The following BCL11B variants were observed in gnomAD, a reference collection of about 807,000 sequenced individuals.
BCL11B encodes BCL11 transcription factor B, also known as B-cell lymphoma/leukemia 11B.
Under a neutral mutation model 49.9 loss-of-function variants are expected in BCL11B, and 8 were observed. The observed-to-expected ratio is 0.16, with a 90% CI of 0.09 to 0.29. The LOEUF is 0.29. Ranked by LOEUF, BCL11B falls within the 10% of genes least tolerant of loss-of-function variation. The pLI is 1.00. For missense variants in BCL11B, 1,006 were observed against 1,351.0 expected (o/e 0.74, Z 4.00); for synonymous variants, 739 against 637.4 (o/e 1.16, Z -2.40).
intron 2 of BCL11B, among the ~76,000 whole-genome samples, chr14:99,251,528 G>C (rs1243749353): frequency 1.3e-5 from 2 of 152,142 alleles, no homozygotes; most frequent in African/African-American, 4.8e-5. Context: ...TGGGGGAAAA[G>C]TCTATGCAAC....
chr14:99,271,269 A>G lies in BCL11B; in HGVS notation c.-51T>C, dbSNP rs1595091726. 7.8e-7 allele frequency: 1 copy of G among 1,280,020 alleles called. No individual in the cohort carries two copies. Among genetic ancestry groups the G allele is most frequent in the African/African-American group, 1.5e-5 (1 of 65,114 alleles). 79.3% of individuals were successfully genotyped at this position (1,280,020 alleles called of 1,614,324 possible). A position where few individuals can be genotyped will look rare whatever the true frequency, so the allele number is the denominator to read the frequency against. ...CCCGGAGAGCTGCACTGATGGGGGG[A>G]GCCGGGGGAGGGGGTCCGAGCCGCC... On this transcript the variant is annotated 5_prime_UTR_variant, in exon 1 of 4. Transcript: ENST00000357195.
chr14:99,201,123 C>T lies in BCL11B; in HGVS notation c.641-24928G>A, dbSNP rs188296979. 1.7e-3 allele frequency among the ~76,000 whole-genome samples: 264 copies of T among 152,296 alleles called. 1 individual carries two copies. Among genetic ancestry groups the T allele is most frequent in the African/African-American group, 6.0e-3 (249 of 41,582 alleles). ...ATCAAAGCTGCAGAGGATCCCAGTT[C>T]TCCGAGGGAAGTGGGCAGTAGCCCG... On this transcript the variant is annotated intron_variant, in intron 3 of 3. Coordinates refer to ENST00000357195, the MANE Select transcript of BCL11B (RefSeq NM_138576.4).
intron 2 of BCL11B, among the ~76,000 whole-genome samples, chr14:99,238,250 C>T (rs575344782): frequency 6.6e-6 from 1 of 152,180 alleles, no homozygotes; most frequent in African/African-American, 2.4e-5. Context: ...GCGTCCCCCA[C>T]CGACACTACC....
chr14:99,184,183 C>T lies in BCL11B; in HGVS notation c.641-7988G>A, dbSNP rs1285934248. On this transcript the variant is annotated intron_variant, in intron 3 of 3. Coordinates refer to ENST00000357195, the MANE Select transcript of BCL11B (RefSeq NM_138576.4). The surrounding 1 kb of genome is among the most constrained non-coding windows in gnomAD (Gnocchi z 6.1). ...GCCCACTCGCCCTCTCGGTGCCTCC[C>T]TTTGGGCAGCGCATTTTCACACCTC... 6.6e-6 allele frequency among the ~76,000 whole-genome samples: 1 copy of T among 152,196 alleles called. No homozygotes were observed. The highest frequency in any genetic ancestry group is 1.5e-5 in the Non-Finnish European group (1 of 68,034).
chr14:99,187,271 C>T (rs903618571), intron 3 of BCL11B, among the ~76,000 whole-genome samples: 9 of 152,182 alleles, frequency 5.9e-5, no homozygotes, highest in East Asian at 1.9e-4. Flanking sequence ...GGGCAGGACG[C>T]ACAGAGCAAT....
At position 99,248,779 on chromosome 14, in the gene BCL11B, G is replaced by C. The variant is rs886797339; in HGVS notation, c.427+8692C>G. On this transcript the variant is annotated intron_variant, in intron 2 of 3. Coordinates refer to ENST00000357195, the MANE Select transcript of BCL11B (RefSeq NM_138576.4). The surrounding 1 kb of genome is among the most constrained non-coding windows in gnomAD (Gnocchi z 4.7). ...AAAGGAATTGAGGTGGGAAATGCACGACCTTCTGCCTGGCTCTTGCAGCTG... is the reference window on the plus strand; with the variant it reads ...AAAGGAATTGAGGTGGGAAATGCACCACCTTCTGCCTGGCTCTTGCAGCTG... Among the ~76,000 whole-genome samples, 1 of 152,142 alleles carries C rather than the reference G, an allele frequency of 6.6e-6. No individual in the cohort carries two copies. The highest frequency in any genetic ancestry group is 6.5e-5 in the Admixed American group (1 of 15,280).
At chr14:99,253,579 C>T (rs1309703110) in intron 2 of BCL11B, among the ~76,000 whole-genome samples, 1 of 152,112 alleles carries the variant, frequency 6.6e-6, no homozygotes, top group East Asian at 1.9e-4. Context: ...AAGTGGCTGC[C>T]GGAGGCTGGC....
intron 3 of BCL11B, among the ~76,000 whole-genome samples, chr14:99,180,672 T>TC (rs1325380051): frequency 6.6e-6 from 1 of 152,182 alleles, no homozygotes; most frequent in Admixed American, 6.5e-5. Context: ...AGCCTATAAA[T>TC]CGCACATGGC....
chr14:99,230,136 T>G (rs951327787), intron 3 of BCL11B, among the ~76,000 whole-genome samples: 1 of 152,108 alleles, frequency 6.6e-6, no homozygotes, highest in Non-Finnish European at 1.5e-5. Context: ...GCCACCCTAC[T>G]AGGGAGCTCT....
intron 3 of BCL11B, among the ~76,000 whole-genome samples, chr14:99,177,539 A>ACTC (rs1886573614): frequency 6.7e-6 from 1 of 149,712 alleles, no homozygotes; most frequent in Non-Finnish European, 1.5e-5. Flanking sequence ...GCAGCATTGC[A>ACTC]CTCACTAGCT....
chr14:99,220,274 CAA>C (rs1555380746), intron 3 of BCL11B, among the ~76,000 whole-genome samples: 1 of 152,194 alleles, frequency 6.6e-6, no homozygotes, highest in Non-Finnish European at 1.5e-5. Context: ...AGCAAGGATT[CAA>C]ACAGATTATT....
chr14:99,199,739 T>C (rs35845191), intron 3 of BCL11B, among the ~76,000 whole-genome samples: 5 of 150,280 alleles, frequency 3.3e-5, no homozygotes, highest in African/African-American at 4.9e-5. Flanking sequence ...TGTGTGTGTG[T>C]ACACAAAAGA....
In BCL11B at chr14:99,228,039, C is replaced by A. The variant is rs755680556; in HGVS notation, c.640+3306G>T. Among the ~76,000 whole-genome samples the A allele has an allele frequency of 1.3e-5, 2 of 152,168 alleles. No individual in the cohort carries two copies. Among genetic ancestry groups the A allele is most frequent in the African/African-American group, 2.4e-5 (1 of 41,438 alleles). On this transcript the variant is annotated intron_variant, in intron 3 of 3. Transcript: ENST00000357195. This position sits in a 1 kb window ranked among gnomAD's most constrained non-coding sequence, Gnocchi z 4.8. ...CACATACCTGTGTGGTTTTCTCCCC[C>A]CGTAAAATCACATCCTTCTATAAAT...
intron 3 of BCL11B, among the ~76,000 whole-genome samples, chr14:99,197,481 G>A (rs1040934791): frequency 2.6e-5 from 4 of 152,158 alleles, no homozygotes; most frequent in African/African-American, 9.7e-5. Flanking sequence ...TTGGAAAATT[G>A]AAGATTGGAA....
rs773714015 is a variant in BCL11B, at chr14:99,171,816, C to G, written c.*2335G>C. The G allele has an allele frequency of 9.6e-6, 2 of 207,828 alleles. No individual in the cohort carries two copies. 12.9% of individuals were successfully genotyped at this position (207,828 alleles called of 1,614,324 possible). A position where few individuals can be genotyped will look rare whatever the true frequency, so the allele number is the denominator to read the frequency against. On this transcript the variant is annotated 3_prime_UTR_variant, in exon 4 of 4. Coordinates refer to ENST00000357195, the MANE Select transcript of BCL11B (RefSeq NM_138576.4). ...TGTAACAAGAACAAATTTATAGACCCACCATTTAAATTTTACTGCAACATT... is the reference window on the plus strand; with the variant it reads ...TGTAACAAGAACAAATTTATAGACCGACCATTTAAATTTTACTGCAACATT...
Position 99,228,038 on chromosome 14 carries a change from C to G in BCL11B, c.640+3307G>C, listed in dbSNP as rs1425533558. ...ACACATACCTGTGTGGTTTTCTCCC[C>G]CCGTAAAATCACATCCTTCTATAAA... On this transcript the variant is annotated intron_variant, in intron 3 of 3. Coordinates refer to ENST00000357195, the MANE Select transcript of BCL11B (RefSeq NM_138576.4). The surrounding 1 kb of genome is among the most constrained non-coding windows in gnomAD (Gnocchi z 4.8). Among the ~76,000 whole-genome samples the G allele has an allele frequency of 6.6e-6, 1 of 152,156 alleles. No individual in the cohort carries two copies. Among genetic ancestry groups the G allele is most frequent in the Non-Finnish European group, 1.5e-5 (1 of 68,036 alleles).
At chr14:99,199,669 TGTGTGTGTGTGTGTGCGC>T (rs1339870281) in intron 3 of BCL11B, among the ~76,000 whole-genome samples, 1 of 86,248 alleles carries the variant, frequency 1.2e-5, no homozygotes, top group Non-Finnish European at 2.7e-5. Context: ...TGTGTGTGTG[TGTGTGTGTGTGTGTGCGC>T]GCGCGCGCGC....
At position 99,173,590 on chromosome 14, in the gene BCL11B, G is replaced by T; in HGVS notation, c.*561C>A. On this transcript the variant is annotated 3_prime_UTR_variant, in exon 4 of 4. Coordinates refer to ENST00000357195, the MANE Select transcript of BCL11B (RefSeq NM_138576.4). ...TTAAAAAATAATTAAAAAAAAAACT[G>T]CATGCCACTTTTTATTTCAGGACAA... is the stretch of plus-strand genomic sequence containing the variant. 1 of 187,998 alleles carries T rather than the reference G, an allele frequency of 5.3e-6. No homozygotes were observed. The highest frequency in any genetic ancestry group is 6.7e-5 in the Admixed American group (1 of 14,954). 11.6% of individuals were successfully genotyped at this position (187,998 alleles called of 1,614,324 possible).
Position 99,192,214 on chromosome 14 carries a change from T to C in BCL11B, c.641-16019A>G, listed in dbSNP as rs1887052559. ...GTGTGTTTTGCTTGGCGGCTGTTCA[T>C]AATACTGTCTTGGCAGCGTTTCCTT... On this transcript the variant is annotated intron_variant, in intron 3 of 3. Transcript: ENST00000357195. This position sits in a 1 kb window ranked among gnomAD's most constrained non-coding sequence, Gnocchi z 4.0. Among the ~76,000 whole-genome samples the C allele has an allele frequency of 6.6e-6, 1 of 152,208 alleles. No individual in the cohort carries two copies. Among genetic ancestry groups the C allele is most frequent in the Admixed American group, 6.5e-5 (1 of 15,272 alleles).
Sources: allele counts gnomAD v4.1 joint callset (sites outside exome capture counted in the v4.1 genomes callset), GRCh38; gene constraint gnomAD v4.1.1; non-coding constraint Gnocchi (gnomAD v3.1); transcripts MANE v1.5; gene names NCBI Gene and HGNC (gene_info 2026-07-23, HGNC 2026-07-21).